The following MAMDC2 variants were observed in gnomAD, a reference collection of about 807,000 sequenced individuals.
MAMDC2 encodes the protein MAM domain containing 2.
In MAMDC2, 57 loss-of-function variants were observed where a neutral mutation model predicts 89.8. The ratio of observed to expected loss-of-function variants is 0.63; its 90% CI spans 0.51 to 0.79. The LOEUF (loss-of-function observed/expected upper bound fraction) is 0.79, where lower values mean the gene tolerates loss of function less well. Among genes scored for constraint, MAMDC2 ranks in the 30% least tolerant of loss-of-function variants. MAMDC2 has a pLI of 0.00. For synonymous variants in MAMDC2, 313 were observed against 293.4 expected (o/e 1.07, Z -0.68); for missense variants, 800 against 820.6 (o/e 0.97, Z 0.31).
intron 2 of MAMDC2, among the ~76,000 whole-genome samples, chr9:70,055,020 A>G (rs111580899): frequency 0.015 from 2,210 of 152,044 alleles, 52 homozygotes; most frequent in African/African-American, 0.051. Context: ...GTTCAAGACC[A>G]CTCCTGGAGA....
chr9:70,085,130 G>A (rs988238208), intron 2 of MAMDC2, among the ~76,000 whole-genome samples: 1 of 152,036 alleles, frequency 6.6e-6, no homozygotes, highest in Non-Finnish European at 1.5e-5. Context: ...AGCAATGCTA[G>A]TCCTAGGATG....
chr9:70,139,995 A>C, intron 7 of MAMDC2, 150 bp from the exon 8 acceptor site: 3 of 686,626 alleles, frequency 4.4e-6, no homozygotes, highest in Non-Finnish European at 6.6e-6. Context: ...CTAACCTGTC[A>C]GCATGCCCTT....
intron 2 of MAMDC2, among the ~76,000 whole-genome samples, chr9:70,055,631 T>G (rs1827009413): frequency 6.6e-6 from 1 of 152,154 alleles, no homozygotes; most frequent in Non-Finnish European, 1.5e-5. Flanking sequence ...CTACAACTAG[T>G]GTGTCTCCCG....
intron 2 of MAMDC2, among the ~76,000 whole-genome samples, chr9:70,068,106 A>C (rs754605910): frequency 5.9e-5 from 9 of 152,252 alleles, no homozygotes; most frequent in Non-Finnish European, 1.3e-4. Context: ...TATAGGACTT[A>C]TAAAGAGAAT....
intron 2 of MAMDC2, among the ~76,000 whole-genome samples, chr9:70,047,133 A>G (rs543277320): frequency 1.3e-5 from 2 of 151,972 alleles, no homozygotes; most frequent in African/African-American, 2.4e-5. Context: ...ATTCACCTTC[A>G]TGTACTGGAT....
chr9:70,100,783 C>T (rs1298498304), intron 2 of MAMDC2, among the ~76,000 whole-genome samples: 1 of 152,168 alleles, frequency 6.6e-6, no homozygotes, highest in Non-Finnish European at 1.5e-5. Flanking sequence ...ACGAATGAGG[C>T]CTGTTCTCAT....
chr9:70,082,128 T>A (rs1827666382), intron 2 of MAMDC2: 1 of 152,194 alleles, frequency 6.6e-6, no homozygotes, highest in African/African-American at 2.4e-5. Flanking sequence ...GGAATTTCCA[T>A]CTTGCTTCTT....
intron 9 of MAMDC2, among the ~76,000 whole-genome samples, chr9:70,160,139 G>A (rs2031919803): frequency 6.6e-6 from 1 of 152,104 alleles, no homozygotes; most frequent in African/African-American, 2.4e-5. Context: ...TCGAATCCAG[G>A]AGGGAGAGGT....
chr9:70,129,666 T>C (rs1287969043), intron 6 of MAMDC2, among the ~76,000 whole-genome samples: 1 of 152,206 alleles, frequency 6.6e-6, no homozygotes, highest in Non-Finnish European at 1.5e-5. Context: ...GTTTTAATTT[T>C]TTAATTAATT....
chr9:70,179,473 G>A (rs956672456), intron 11 of MAMDC2, among the ~76,000 whole-genome samples: 2 of 150,728 alleles, frequency 1.3e-5, no homozygotes, highest in African/African-American at 2.4e-5. Flanking sequence ...GCAGTGAGCC[G>A]AGATCATGCC....
chr9:70,168,830 TG>T, intron 10 of MAMDC2, 35 bp downstream of exon 10: 1 of 1,484,686 alleles, frequency 6.7e-7, no homozygotes, highest in Non-Finnish European at 9.4e-7. Flanking sequence ...TCTGTCTCTC[TG>T]ACCTATACAT....
intron 9 of MAMDC2, among the ~76,000 whole-genome samples, chr9:70,156,165 TC>T (rs1464918982): frequency 6.6e-6 from 1 of 152,236 alleles, no homozygotes; most frequent in African/African-American, 2.4e-5. Flanking sequence ...TCCTTCATTT[TC>T]TCTTACAAAA....
chr9:70,075,028 T>G (rs1827500984), intron 2 of MAMDC2, among the ~76,000 whole-genome samples: 1 of 152,190 alleles, frequency 6.6e-6, no homozygotes, highest in Non-Finnish European at 1.5e-5. Context: ...ATATTGAGGT[T>G]GATAGCTAGC....
At chr9:70,199,190 A>C (rs2033043109) in intron 11 of MAMDC2, among the ~76,000 whole-genome samples, 2 of 29,504 alleles carry the variant, frequency 6.8e-5, no homozygotes, top group Non-Finnish European at 1.7e-4. Context: ...TATATCTCCC[A>C]ATGCTATCCC....
intron 2 of MAMDC2, among the ~76,000 whole-genome samples, chr9:70,107,171 G>A (rs58773163): frequency 0.042 from 6,380 of 151,942 alleles, 405 homozygotes; most frequent in African/African-American, 0.14. Flanking sequence ...AAGACCCACA[G>A]GCAATTGGAT....
intron 11 of MAMDC2, among the ~76,000 whole-genome samples, chr9:70,175,564 ATAAG>A (rs2032473362): frequency 6.6e-6 from 1 of 152,188 alleles, no homozygotes; most frequent in African/African-American, 2.4e-5. Context: ...AAACTTCATC[ATAAG>A]TATGTATGTA....
At chr9:70,080,956 A>G (rs137884987) in intron 2 of MAMDC2, among the ~76,000 whole-genome samples, 3 of 152,156 alleles carry the variant, frequency 2.0e-5, no homozygotes, top group African/African-American at 7.2e-5. Flanking sequence ...TCCACAGTAG[A>G]CTGTCAGCTC....
intron 11 of MAMDC2, among the ~76,000 whole-genome samples, chr9:70,176,418 G>A (rs970433532): frequency 6.6e-6 from 1 of 152,056 alleles, no homozygotes. Context: ...CAGCTGCCTC[G>A]GGTTATACTT....
chr9:70,101,949 T>C (rs1828207455), intron 2 of MAMDC2, among the ~76,000 whole-genome samples: 2 of 152,240 alleles, frequency 1.3e-5, no homozygotes, highest in South Asian at 4.1e-4. Flanking sequence ...GAGTACAGTG[T>C]ACATGGTTTT....
Sources: allele counts gnomAD v4.1 joint callset (sites outside exome capture counted in the v4.1 genomes callset), GRCh38; gene constraint gnomAD v4.1.1; transcripts MANE v1.5; gene names NCBI Gene and HGNC (gene_info 2026-07-23, HGNC 2026-07-21).